Variants in WDR90 observed in about 807,000 individuals in gnomAD.
The protein encoded by WDR90 is WD repeat-containing protein 90.
WDR90 carries 238 observed loss-of-function variants against 195.2 expected under a neutral mutation model. That is an observed-to-expected ratio of 1.22 (90% CI 1.10 to 1.36). The LOEUF (loss-of-function observed/expected upper bound fraction) is 1.36, where lower values mean the gene tolerates loss of function less well. WDR90 is among the 40% of genes most tolerant of loss of function. The pLI is 0.00. For missense variants in WDR90, 2,734 were observed against 2,439.5 expected, an observed-to-expected ratio of 1.12 and a Z score of -2.54; for synonymous variants, 1,265 against 1,052.4, an observed-to-expected ratio of 1.20 and a Z score of -3.91.
chr16:654,869 T>C, intron 13 of WDR90, 160 bp from the exon 14 acceptor site: 1 of 634,840 alleles, frequency 1.6e-6, no homozygotes, highest in South Asian at 1.9e-5. Flanking sequence ...GATGAGAAGA[T>C]GGAGGGGCTG....
At chr16:659,435 C>A in intron 26 of WDR90, 59 bp downstream of exon 26, 1 of 1,560,560 alleles carries the variant, frequency 6.4e-7, no homozygotes, top group East Asian at 2.3e-5. Context: ...GGGCACAGGC[C>A]CAGTGGCAGC....
At chr16:654,728 G>C in intron 13 of WDR90, 1 of 422,502 alleles carries the variant, frequency 2.4e-6, no homozygotes, top group Non-Finnish European at 4.3e-6. Flanking sequence ...GGGATCACAG[G>C]CATGAGCCAC....
chr16:657,188 GC>G lies in WDR90; in HGVS notation c.2441del (p.Ala814GlyfsTer45). On this transcript the variant is annotated frameshift_variant, in exon 20 of 41. Coordinates refer to ENST00000293879, the MANE Select transcript of WDR90 (RefSeq NM_145294.5). LOFTEE classifies it high-confidence loss of function. ...GGGCTCCCTGGCCCAGTACAGCTGT[GC>G]GGACCCCCAGTGGCATGTCCTCCGA... Reference protein sequence around the residue: ...SQGSLAQYSCADPQWHVLRVA... With the variant: ...SQGSLAQYSCXDPQWHVLRVA... 1 of 1,555,656 alleles carries G rather than the reference GC, an allele frequency of 6.4e-7. No individual in the cohort carries two copies. The highest frequency in any genetic ancestry group is 8.7e-7 in the Non-Finnish European group (1 of 1,150,124).
In WDR90 at chr16:654,908, C is replaced by G. The variant is rs1019364471; in HGVS notation, c.1438-121C>G. ...TCCTTCCACTCTCCACGGCCGCACG[C>G]TCAGAGGCTGGTCTCCGCATGAGAG... On this transcript the variant is annotated intron_variant, in intron 13 of 40. Coordinates refer to ENST00000293879, the MANE Select transcript of WDR90 (RefSeq NM_145294.5). The G allele has an allele frequency of 6.7e-6, 6 of 896,376 alleles. No individual in the cohort carries two copies. In the African/African-American group the frequency reaches 1.0e-4, roughly 15 times the overall value. 55.5% of individuals were successfully genotyped at this position (896,376 alleles called of 1,614,324 possible). A position where few individuals can be genotyped will look rare whatever the true frequency, so the allele number is the denominator to read the frequency against.
At position 656,521 on chromosome 16, in the gene WDR90, T is replaced by C. The variant is rs1051532665; in HGVS notation, c.2186T>C (p.Leu729Pro). Residue 729 changes from leucine to proline, a missense_variant, in exon 18 of 41, where the codon CTG becomes CCG. Transcript: ENST00000293879. Reference protein sequence around the residue: ...SQDRTVRIWDLATLQQLYDFT... With the variant: ...SQDRTVRIWDPATLQQLYDFT... ...GACCGTACCGTCCGCATCTGGGACCTGGCCACCCTGCAGCAGGTGGGGTTT... is the reference window on the plus strand; with the variant it reads ...GACCGTACCGTCCGCATCTGGGACCCGGCCACCCTGCAGCAGGTGGGGTTT... 1.9e-6 allele frequency: 3 copies of C among 1,569,770 alleles called. No homozygotes were observed. The highest frequency in any genetic ancestry group is 2.6e-6 in the Non-Finnish European group (3 of 1,159,126).
Position 659,131 on chromosome 16 carries a change from G to C in WDR90, c.3052+5G>C. ...CCCCCCCAGCCTGCAAGACAGGTGA[G>C]TGGCTGTGCTCAGCTGGGGTGCAGG... On this transcript the variant is annotated splice_donor_5th_base_variant and intron_variant, in intron 25 of 40. Transcript: ENST00000293879. The C allele has an allele frequency of 1.2e-6, 2 of 1,611,554 alleles. No individual in the cohort carries two copies. Among genetic ancestry groups the C allele is most frequent in the Non-Finnish European group, 1.7e-6 (2 of 1,179,846 alleles).
Position 658,248 on chromosome 16 carries a change from G to A in WDR90, c.2670G>A (p.Val890=), listed in dbSNP as rs765614553. The A allele has an allele frequency of 1.2e-6, 2 of 1,612,604 alleles. No individual in the cohort carries two copies. Among genetic ancestry groups the A allele is most frequent in the Non-Finnish European group, 1.7e-6 (2 of 1,179,896 alleles). ...GCCGCCTGGACTCAGCCATGGCTGT[G>A]TGCTTTGGCCCTGCAGCTCTGGGCC... ...ASSRLDSAMA[V]CFGPAALGHL... Residue 890 remains valine (V), a synonymous_variant, in exon 22 of 41, where the codon GTG becomes GTA. Transcript: ENST00000293879.
Position 667,760 on chromosome 16 carries a change from A to AT in WDR90, c.*172dup. ...AATTTGGCGCCCTGTGAATACTTTC[A>AT]TACCTGTTGCCCTTTTGCCTAAGAA... On this transcript the variant is annotated 3_prime_UTR_variant, in exon 41 of 41. Transcript: ENST00000293879. The AT allele has an allele frequency of 1.1e-6, 1 of 900,834 alleles. No individual in the cohort carries two copies. Among genetic ancestry groups the AT allele is most frequent in the South Asian group, 1.4e-5 (1 of 70,086 alleles). The allele number at this position is 900,834 out of a possible 1,614,324, so 55.8% of individuals were successfully genotyped here.
At chr16:662,153 G>A in intron 32 of WDR90, 67 bp from the exon 33 acceptor site, 1 of 1,530,044 alleles carries the variant, frequency 6.5e-7, no homozygotes, top group Non-Finnish European at 8.8e-7. Context: ...CTGGCGTCCG[G>A]GCAGCCTTGT....
chr16:658,180 C>A lies in WDR90; in HGVS notation c.2605-3C>A, dbSNP rs757999212. On this transcript the variant is annotated splice_polypyrimidine_tract_variant and splice_region_variant and intron_variant, in intron 21 of 40. Transcript: ENST00000293879. ...ACTGTCGGCCACTTACCACTACCCC[C>A]AGCTGCTGCGAGTTGACATCGGCAC... 6.2e-7 allele frequency: 1 copy of A among 1,607,178 alleles called. No homozygotes were observed. The highest frequency in any genetic ancestry group is 8.5e-7 in the Non-Finnish European group (1 of 1,176,436).
At chr16:657,297 GAC>G (rs2037780845) in intron 20 of WDR90, 76 bp downstream of exon 20, 5 of 1,450,924 alleles carry the variant, frequency 3.4e-6, no homozygotes, top group Middle Eastern at 5.0e-4. Context: ...CCCACACCTG[GAC>G]ACACATGCCG....
At chr16:650,974 G>C in intron 5 of WDR90, 21 bp from the exon 6 acceptor site, 1 of 1,611,916 alleles carries the variant, frequency 6.2e-7, no homozygotes, top group Non-Finnish European at 8.5e-7. Context: ...CCTTGACCTG[G>C]AACAACCCTG....
In WDR90 at chr16:653,569, G is replaced by A. The variant is rs776592925; in HGVS notation, c.1278G>A (p.Ser426=). 6.8e-6 allele frequency: 11 copies of A among 1,613,456 alleles called. No homozygotes were observed. The highest frequency in any genetic ancestry group is 6.6e-5 in the South Asian group (6 of 91,086). ...ATGGCAGCAGCTCACTATTGGCCTC[G>A]GCCCAGGCAAGGGCCCCTAGTGTGA... is the stretch of plus-strand genomic sequence containing the variant. ...ALDGSSSLLA[S]AQARAPSVMR... Residue 426 remains serine, a synonymous_variant, in exon 12 of 41, where the codon TCG becomes TCA. Coordinates refer to ENST00000293879, the MANE Select transcript of WDR90 (RefSeq NM_145294.5).
chr16:666,737 A>G lies in WDR90; in HGVS notation c.4949A>G (p.Tyr1650Cys). 6.2e-7 allele frequency: 1 copy of G among 1,612,794 alleles called. No individual in the cohort carries two copies. Among genetic ancestry groups the G allele is most frequent in the Non-Finnish European group, 8.5e-7 (1 of 1,179,954 alleles). ...FCPWDGALLMYVGPGVYKEVI... is the reference protein window; with the variant it reads ...FCPWDGALLMCVGPGVYKEVI... ...CCTTGGGATGGGGCGCTCCTGATGT[A>G]CGTGGGCCCCGGTGTTTACAAGGAG... is the stretch of plus-strand genomic sequence containing the variant. The change falls in exon 39 of 41, where the codon TAC (tyrosine) becomes TGC (cysteine). Residue 1650 changes from tyrosine to cysteine, a missense_variant. Physicochemically the swap from Tyr to Cys is radical, Grantham distance 194. Coordinates refer to ENST00000293879, the MANE Select transcript of WDR90 (RefSeq NM_145294.5).
At chr16:649,100 G>A (rs2037584220), upstream of WDR90, 1 of 325,962 alleles carries the variant, frequency 3.1e-6, no homozygotes, top group Non-Finnish European at 5.6e-6. Context: ...AGCCCCGGCC[G>A]GCCGAGGCGC....
At position 661,709 on chromosome 16, in the gene WDR90, C is replaced by T. The variant is rs1180894537; in HGVS notation, c.3786C>T (p.Ala1262=). The change falls in exon 31 of 41, where the codon GCC becomes GCT. Residue 1262 remains alanine, a synonymous_variant. Coordinates refer to ENST00000293879, the MANE Select transcript of WDR90 (RefSeq NM_145294.5). ...GTGTGGCCTTCAACCCCTGGGACGCCGGCGAGCTCACCTGTGTGGGCCAGG... is the reference window on the plus strand; with the variant it reads ...GTGTGGCCTTCAACCCCTGGGACGCTGGCGAGCTCACCTGTGTGGGCCAGG... ...VHGVAFNPWD[A]GELTCVGQGT... is the part of the protein sequence containing the mutation. 21 of 1,612,366 alleles carry T rather than the reference C, an allele frequency of 1.3e-5. No homozygotes were observed. The highest frequency in any genetic ancestry group is 6.7e-5 in the East Asian group (3 of 44,902).
In WDR90 at chr16:657,358, G is replaced by C. The variant is rs140905927; in HGVS notation, c.2473+137G>C. 5.7e-4 allele frequency: 755 copies of C among 1,322,514 alleles called. 6 individuals are homozygous for C. The African/African-American group carries it at 8.2e-3, about 14-fold the overall frequency. 81.9% of individuals were successfully genotyped at this position (1,322,514 alleles called of 1,614,324 possible). A position where few individuals can be genotyped will look rare whatever the true frequency, so the allele number is the denominator to read the frequency against. ...CCTGTGGGGGGGCGTGGCCGCCTCA[G>C]TAACCTTGTCAAGGCCCTGAGGAGA... On this transcript the variant is annotated intron_variant, in intron 20 of 40. Transcript: ENST00000293879.
rs1461017735 is a variant in WDR90, at chr16:659,340, C to G, written c.3148C>G (p.Leu1050Val). The G allele has an allele frequency of 6.3e-7, 1 of 1,594,924 alleles. No individual in the cohort carries two copies. Among genetic ancestry groups the G allele is most frequent in the East Asian group, 2.3e-5 (1 of 44,092 alleles). ...PKPCQASPPRLGVCARPPEGG... is the reference protein window; with the variant it reads ...PKPCQASPPRVGVCARPPEGG... ...GCCATGTCAGGCATCTCCACCACGG[C>G]TGGGCGTCTGTGCCAGGCCTCCCGA... Residue 1050 changes from leucine (L) to valine (V), a missense_variant, in exon 26 of 41, where the codon CTG becomes GTG. Physicochemically the swap from Leu to Val is conservative, Grantham distance 32. Coordinates refer to ENST00000293879, the MANE Select transcript of WDR90 (RefSeq NM_145294.5).
chr16:658,842 C>T (rs192508510), intron 23 of WDR90, 54 bp from the exon 24 acceptor site: 98 of 1,597,008 alleles, frequency 6.1e-5, no homozygotes, highest in African/African-American at 5.5e-4. Flanking sequence ...ACTGGGCACA[C>T]GGCAGCATCC....
Sources: allele counts gnomAD v4.1 joint callset, GRCh38; gene constraint gnomAD v4.1.1; transcripts MANE v1.5; gene names NCBI Gene and HGNC (gene_info 2026-07-23, HGNC 2026-07-21).